Variants in CCDC24 observed in about 807,000 individuals in gnomAD.
The protein encoded by CCDC24 is coiled-coil domain-containing protein 24.
Under a neutral mutation model 31.6 loss-of-function variants are expected in CCDC24, and 34 were observed. The observed-to-expected ratio is 1.08, with a 90% CI of 0.82 to 1.43. The LOEUF is 1.43. Ranked by LOEUF, CCDC24 falls within the 40% of genes most tolerant of loss-of-function variation. CCDC24 has a pLI of 0.00. For synonymous variants in CCDC24, 175 were observed against 157.3 expected, an observed-to-expected ratio of 1.11 and a Z score of -0.84; for missense variants, 426 against 391.1, an observed-to-expected ratio of 1.09 and a Z score of -0.75.
At chr1:43,993,780 A>T in intron 4 of CCDC24, 107 bp from the exon 5 acceptor site, 1 of 1,048,072 alleles carries the variant, frequency 9.5e-7, no homozygotes. Context: ...TTTGCACTAT[A>T]TTATATTGCC....
At position 43,991,862 on chromosome 1, in the gene CCDC24, G is replaced by C. The variant is rs745825287; in HGVS notation, c.-17G>C. ...CGGCCCGTAGGTCCGAGCCGGGGACGGCGGCGTCGGTGGGTCATGCTCCGG... is the reference window on the plus strand; with the variant it reads ...CGGCCCGTAGGTCCGAGCCGGGGACCGCGGCGTCGGTGGGTCATGCTCCGG... On this transcript the variant is annotated 5_prime_UTR_variant, in exon 2 of 9. Coordinates refer to ENST00000372318, the MANE Select transcript of CCDC24 (RefSeq NM_152499.4). The C allele has an allele frequency of 1.3e-6, 2 of 1,549,734 alleles. No individual in the cohort carries two copies. Among genetic ancestry groups the C allele is most frequent in the South Asian group, 2.4e-5 (2 of 84,118 alleles).
chr1:43,992,866 G>A (rs1323554422), intron 4 of CCDC24, among the ~76,000 whole-genome samples: 2 of 152,246 alleles, frequency 1.3e-5, no homozygotes, highest in Non-Finnish European at 2.9e-5. Context: ...TTTGATCTGC[G>A]TGTTGTAGTA....
At chr1:43,994,274 C>G (rs979929925) in intron 5 of CCDC24, 12 of 370,590 alleles carry the variant, frequency 3.2e-5, no homozygotes, top group African/African-American at 2.4e-4. Flanking sequence ...GGGAAAACCC[C>G]ATCTCTACCA....
chr1:43,994,014 A>C lies in CCDC24; in HGVS notation c.497+50A>C, dbSNP rs1293162013. On this transcript the variant is annotated intron_variant, in intron 5 of 8. Coordinates refer to ENST00000372318, the MANE Select transcript of CCDC24 (RefSeq NM_152499.4). ...TGTATAGGCAGGGGTGGAGACAAGG[A>C]TGGATCTTGAGGTGCTGGGATTGTG... 4 of 1,529,184 alleles carry C rather than the reference A, an allele frequency of 2.6e-6. No individual in the cohort carries two copies. The African/African-American group carries it at 5.5e-5, about 21-fold the overall frequency. The allele number at this position is 1,529,184 out of a possible 1,614,324, so 94.7% of individuals were successfully genotyped here. A position where few individuals can be genotyped will look rare whatever the true frequency, so the allele number is the denominator to read the frequency against.
chr1:43,991,792 T>G (rs780583461), intron 1 of CCDC24, 46 bp downstream of exon 1: 1 of 1,510,258 alleles, frequency 6.6e-7, no homozygotes, highest in South Asian at 1.2e-5. Flanking sequence ...CGGGGTTTGG[T>G]GAGCGTTGCC....
chr1:43,995,799 C>T lies in CCDC24; in HGVS notation c.644C>T (p.Ala215Val). Residue 215 changes from alanine to valine, a missense_variant, in exon 8 of 9, where the codon GCC becomes GTC. Transcript: ENST00000372318. The surrounding 1 kb of genome is among the most constrained non-coding windows in gnomAD (Gnocchi z 4.3). ...TCAGAGCTAAAGGAACAGAAGAAGG[C>T]CATGGAGCAGGAGCTGCAGGCATCT... is the stretch of plus-strand genomic sequence containing the variant. Reference protein sequence around the residue: ...TLAELKEQKKAMEQELQASVG... With the variant: ...TLAELKEQKKVMEQELQASVG... The T allele has an allele frequency of 6.8e-6, 11 of 1,614,216 alleles. No individual in the cohort carries two copies. The highest frequency in any genetic ancestry group is 9.3e-6 in the Non-Finnish European group (11 of 1,180,030).
chr1:43,993,417 C>T (rs1353120108), intron 4 of CCDC24, among the ~76,000 whole-genome samples: 1 of 150,552 alleles, frequency 6.6e-6, no homozygotes, highest in Non-Finnish European at 1.5e-5. Context: ...GCACTCCAAC[C>T]TGGGTGACAA....
chr1:43,994,763 C>A (rs1410889714), intron 5 of CCDC24: 2 of 325,564 alleles, frequency 6.1e-6, no homozygotes, highest in Non-Finnish European at 1.1e-5. Flanking sequence ...AAAATAAATA[C>A]CTTGACACAG....
rs1330798857 is a variant in CCDC24 at position 43,991,655 on chromosome 1, G to A, written c.-124G>A. On this transcript the variant is annotated 5_prime_UTR_variant, in exon 1 of 9. Transcript: ENST00000372318. ...CCTGGTTTCTGGGCCCCCGGCATCC[G>A]AGTCGGCCAAAAGCCGGGCAGAAGA... The A allele has an allele frequency of 8.4e-6, 6 of 718,218 alleles. No homozygotes were observed. Among genetic ancestry groups the A allele is most frequent in the South Asian group, 2.9e-5 (2 of 67,906 alleles). The allele number at this position is 718,218 out of a possible 1,614,324, so 44.5% of individuals were successfully genotyped here.
chr1:43,996,132 C>A lies in CCDC24; in HGVS notation c.896C>A (p.Ser299Tyr), dbSNP rs1290241597. The A allele has an allele frequency of 1.9e-6, 3 of 1,609,524 alleles. No individual in the cohort carries two copies. The highest frequency in any genetic ancestry group is 2.2e-5 in the South Asian group (2 of 90,292). The change falls in exon 9 of 9, where the codon TCC (serine) becomes TAC (tyrosine). Residue 299 changes from serine to tyrosine, a missense_variant. Coordinates refer to ENST00000372318, the MANE Select transcript of CCDC24 (RefSeq NM_152499.4). ...GAAGGGCCAGCTTCCACACCCATGT[C>A]CAGTGCAGCACCCCAAGCCCCAGCC... ...PREGPASTPM[S>Y]SAAPQAPA
In CCDC24 at chr1:43,996,214, C is replaced by T; in HGVS notation, c.*54C>T. 1 of 1,429,154 alleles carries T rather than the reference C, an allele frequency of 7.0e-7. No homozygotes were observed. Among genetic ancestry groups the T allele is most frequent in the Non-Finnish European group, 9.3e-7 (1 of 1,071,592 alleles). 88.5% of individuals were successfully genotyped at this position (1,429,154 alleles called of 1,614,324 possible). A position where few individuals can be genotyped will look rare whatever the true frequency, so the allele number is the denominator to read the frequency against. On this transcript the variant is annotated 3_prime_UTR_variant, in exon 9 of 9. Coordinates refer to ENST00000372318, the MANE Select transcript of CCDC24 (RefSeq NM_152499.4). ...TCTGCCACAGCGCACCTGTCTGCCG[C>T]TGCCGCCTCAGCTGCTTTGGCCCAG...
intron 5 of CCDC24, chr1:43,994,219 G>A (rs1218638977): frequency 4.3e-6 from 2 of 464,724 alleles, no homozygotes; most frequent in South Asian, 6.3e-5. Context: ...GCCGAGGCAA[G>A]AGGGTCATTT....
Position 43,994,033 on chromosome 1 carries a change from G to T in CCDC24, c.497+69G>T, listed in dbSNP as rs554553245. On this transcript the variant is annotated intron_variant, in intron 5 of 8. Transcript: ENST00000372318. The stretch of plus-strand genomic sequence containing the variant: ...ACAAGGATGGATCTTGAGGTGCTGG[G>T]ATTGTGAGACAGGAGGTGGGTAGTA... 383 of 1,409,862 alleles carry T rather than the reference G, an allele frequency of 2.7e-4. 1 individual carries two copies. The highest frequency in any genetic ancestry group is 1.3e-3 in the South Asian group (107 of 85,216). The allele number at this position is 1,409,862 out of a possible 1,614,324, so 87.3% of individuals were successfully genotyped here.
Position 43,995,842 on chromosome 1 carries a change from C to A in CCDC24, c.687C>A (p.Val229=). The A allele has an allele frequency of 6.2e-7, 1 of 1,614,228 alleles. No individual in the cohort carries two copies. The highest frequency in any genetic ancestry group is 8.5e-7 in the Non-Finnish European group (1 of 1,180,034). ...AGGCATCTGTGGGGCCTTCTTGTGT[C>A]TCTCCCAACCACAGGTAAACCACAA... ...ELQASVGPSC[V]SPNHRQRPLG... The change falls in exon 8 of 9, where the codon GTC becomes GTA. Residue 229 remains valine, a synonymous_variant. Transcript: ENST00000372318. This position sits in a 1 kb window ranked among gnomAD's most constrained non-coding sequence, Gnocchi z 4.3.
At position 43,991,868 on chromosome 1, in the gene CCDC24, G is replaced by A; in HGVS notation, c.-11G>A. On this transcript the variant is annotated 5_prime_UTR_variant, in exon 2 of 9. Coordinates refer to ENST00000372318, the MANE Select transcript of CCDC24 (RefSeq NM_152499.4). Reference sequence around the variant, plus strand: ...GTAGGTCCGAGCCGGGGACGGCGGCGTCGGTGGGTCATGCTCCGGCACTCC... The same window carrying A: ...GTAGGTCCGAGCCGGGGACGGCGGCATCGGTGGGTCATGCTCCGGCACTCC... The A allele has an allele frequency of 1.3e-6, 2 of 1,551,164 alleles. No individual in the cohort carries two copies. Among genetic ancestry groups the A allele is most frequent in the Non-Finnish European group, 8.7e-7 (1 of 1,147,050 alleles).
In CCDC24 at chr1:43,991,999, G is replaced by C; in HGVS notation, c.121G>C (p.Ala41Pro). 1.3e-6 allele frequency: 2 copies of C among 1,502,678 alleles called. No individual in the cohort carries two copies. Among genetic ancestry groups the C allele is most frequent in the African/African-American group, 1.4e-5 (1 of 72,330 alleles). The allele number at this position is 1,502,678 out of a possible 1,614,324, so 93.1% of individuals were successfully genotyped here. A position where few individuals can be genotyped will look rare whatever the true frequency, so the allele number is the denominator to read the frequency against. The change falls in exon 2 of 9, where the codon GCG (alanine) becomes CCG (proline). Residue 41 changes from alanine (A) to proline (P), a missense_variant. Physicochemically the swap from Ala to Pro is conservative, Grantham distance 27. Transcript: ENST00000372318. ...AAVDLSLELR[A>P]EVAMLRALLQ... The stretch of plus-strand genomic sequence containing the variant: ...GGTGGACCTGAGCCTGGAGCTGCGG[G>C]CGGAGGTGGGGAGAGGGAAGGTGGG...
rs565005064 is a variant in CCDC24, at chr1:43,993,610, G to A, written c.420-277G>A. 3.4e-5 allele frequency among the ~76,000 whole-genome samples: 5 copies of A among 146,558 alleles called. No individual in the cohort carries two copies. The South Asian group carries it at 1.1e-3, about 31-fold the overall frequency. On this transcript the variant is annotated intron_variant, in intron 4 of 8. Coordinates refer to ENST00000372318, the MANE Select transcript of CCDC24 (RefSeq NM_152499.4). ...TGCAGTGAGCCAAGATGGTGCTACT[G>A]CACTCCAGCCTGGGCAACAGAGCAC...
At position 43,992,348 on chromosome 1, in the gene CCDC24, TGCTCCAGGGTCTCC is replaced by T; in HGVS notation, c.266_279del (p.Leu89ProfsTer6). On this transcript the variant is annotated frameshift_variant, in exon 3 of 9. Coordinates refer to ENST00000372318, the MANE Select transcript of CCDC24 (RefSeq NM_152499.4). LOFTEE classifies it high-confidence loss of function. Reference sequence around the variant, plus strand: ...CTCTTGCGCCAGGAGCTCCGGCAGTTGCTCCAGGGTCTCCGCCACAAAGCCATCTGTGAGGGCAG... The same window carrying T: ...CTCTTGCGCCAGGAGCTCCGGCAGTTGCCACAAAGCCATCTGTGAGGGCAG... 6.2e-7 allele frequency: 1 copy of T among 1,614,176 alleles called. No homozygotes were observed. Among genetic ancestry groups the T allele is most frequent in the Non-Finnish European group, 8.5e-7 (1 of 1,180,008 alleles).
At chr1:43,991,768 G>A (rs946984815) in intron 1 of CCDC24, 22 bp downstream of exon 1, 7 of 1,364,812 alleles carry the variant, frequency 5.1e-6, no homozygotes. Context: ...GAGAGGGCGG[G>A]GCCCATAGAG....
Sources: allele counts gnomAD v4.1 joint callset (sites outside exome capture counted in the v4.1 genomes callset), GRCh38; gene constraint gnomAD v4.1.1; non-coding constraint Gnocchi (gnomAD v3.1); transcripts MANE v1.5; gene names NCBI Gene and HGNC (gene_info 2026-07-23, HGNC 2026-07-21).